PVT1: variants seen among roughly 807,000 people sequenced by gnomAD.
PVT1 encodes the protein CXCR4/PVT1 fusion.
At chr8:127,831,297 T>C (rs1184888127) in intron 2 of PVT1, among the ~76,000 whole-genome samples, 1 of 140,910 alleles carries the variant, frequency 7.1e-6, no homozygotes, top group Admixed American at 7.2e-5. Flanking sequence ...TACAAAAAAT[T>C]AAAAAAAAAA....
At chr8:127,889,035 T>TCCTTCCTTCCTTCCTTCCTTCCTTCCTTC (rs1554594526) in intron 2 of PVT1, among the ~76,000 whole-genome samples, 1 of 100,494 alleles carries the variant, frequency 1.0e-5, no homozygotes, top group Non-Finnish European at 2.1e-5. Context: ...TTTCTCTCTT[T>TCCTTCCTTCCTTCCTTCCTTCCTTCCTTC]CTTTCTTCCT....
At position 127,799,726 on chromosome 8, in the gene PVT1, A is replaced by G. The variant is rs546945643; in HGVS notation, n.372+3655A>G. Among the ~76,000 whole-genome samples, 282 of 152,328 alleles carry G rather than the reference A, an allele frequency of 1.9e-3. 1 individual carries two copies. Among genetic ancestry groups the G allele is most frequent in the African/African-American group, 6.6e-3 (274 of 41,572 alleles). ...ATGAACAGAATGTGTCTGGCAGAGG[A>G]CCTGGGCTCATAAGTGAGCACACAG... On this transcript the variant is annotated intron_variant and non_coding_transcript_variant, in intron 2 of 10. Coordinates refer to ENST00000651587, the Ensembl canonical transcript of PVT1.
intron 5 of PVT1, among the ~76,000 whole-genome samples, chr8:128,089,651 T>C (rs1274425038): frequency 6.6e-6 from 1 of 152,180 alleles, no homozygotes; most frequent in Non-Finnish European, 1.5e-5. Context: ...AACACACAAT[T>C]ACGCATAGCA....
chr8:127,995,300 C>T (rs1051187547), intron 4 of PVT1, among the ~76,000 whole-genome samples: 2 of 152,192 alleles, frequency 1.3e-5, no homozygotes, highest in Non-Finnish European at 2.9e-5. Context: ...GCCCAATTGA[C>T]TGTTGTCATT....
intron 4 of PVT1, among the ~76,000 whole-genome samples, chr8:128,022,862 A>AT (rs57327175): frequency 0.13 from 17,423 of 133,874 alleles, 1,428 homozygotes; most frequent in South Asian, 0.21. Context: ...GCAAGCTGAG[A>AT]TTTTTTTTTT....
At chr8:128,012,897 T>A (rs1330644376) in intron 4 of PVT1, among the ~76,000 whole-genome samples, 2 of 152,198 alleles carry the variant, frequency 1.3e-5, no homozygotes, top group Non-Finnish European at 2.9e-5. Flanking sequence ...TTTGGTGTTT[T>A]AAAAAATCTC....
chr8:127,858,771 T>C (rs2129746942), intron 2 of PVT1, among the ~76,000 whole-genome samples: 1 of 151,142 alleles, frequency 6.6e-6, no homozygotes, highest in Admixed American at 6.6e-5. Flanking sequence ...TTTCTTTTTT[T>C]TTCTTTTTCT....
chr8:127,831,834 C>T (rs535803128), intron 2 of PVT1, among the ~76,000 whole-genome samples: 43 of 152,314 alleles, frequency 2.8e-4, no homozygotes. Flanking sequence ...CTCATGGGAG[C>T]AATCAAGAGG....
intron 4 of PVT1, among the ~76,000 whole-genome samples, chr8:127,996,243 C>A (rs904936497): frequency 1.3e-5 from 2 of 152,122 alleles, no homozygotes; most frequent in African/African-American, 4.8e-5. Context: ...CTGGTTCTCT[C>A]CCTCCTTCCC....
intron 4 of PVT1, among the ~76,000 whole-genome samples, chr8:128,047,225 T>C (rs141518696): frequency 1.3e-5 from 2 of 152,310 alleles, no homozygotes; most frequent in East Asian, 1.9e-4. Flanking sequence ...TTCTGTGTTC[T>C]TGAATCTCTC....
intron 4 of PVT1, among the ~76,000 whole-genome samples, chr8:128,055,511 T>C (rs1183429365): frequency 6.6e-6 from 1 of 152,250 alleles, no homozygotes; most frequent in East Asian, 1.9e-4. Flanking sequence ...TAATGCTGCT[T>C]ATTCTAAAAT....
intron 2 of PVT1, among the ~76,000 whole-genome samples, chr8:127,844,782 C>T (rs1043352003): frequency 1.3e-5 from 2 of 151,930 alleles, no homozygotes; most frequent in Non-Finnish European, 2.9e-5. Flanking sequence ...GGCACGATCT[C>T]GGCTCACTGC....
chr8:127,888,863 G>A (rs911644138), intron 2 of PVT1, among the ~76,000 whole-genome samples: 1 of 152,200 alleles, frequency 6.6e-6, no homozygotes, highest in Admixed American at 6.5e-5. Flanking sequence ...GATCATAAGT[G>A]TGTGCTGTTT....
intron 4 of PVT1, among the ~76,000 whole-genome samples, chr8:128,055,148 C>T (rs1367403768): frequency 6.6e-6 from 1 of 152,134 alleles, no homozygotes; most frequent in Non-Finnish European, 1.5e-5. Context: ...TCTCTATGTC[C>T]CTACAGACAC....
At chr8:127,958,986 A>C (rs147745254) in intron 3 of PVT1, among the ~76,000 whole-genome samples, 1 of 144,586 alleles carries the variant, frequency 6.9e-6, no homozygotes, top group Non-Finnish European at 1.5e-5. Flanking sequence ...ATGGGAACCC[A>C]GCAGGTGGCC....
At chr8:127,957,566 CAAAAAAAAAAA>C (rs56796489) in intron 3 of PVT1, among the ~76,000 whole-genome samples, 1 of 91,816 alleles carries the variant, frequency 1.1e-5, no homozygotes. Context: ...GACTCCGTCT[CAAAAAAAAAAA>C]AAAAAAAAAG....
intron 6 of PVT1, among the ~76,000 whole-genome samples, chr8:128,098,052 T>C (rs1215564678): frequency 6.6e-6 from 1 of 152,160 alleles, no homozygotes; most frequent in Non-Finnish European, 1.5e-5. Context: ...GGCCTGAAGT[T>C]CTTCCCCTCT....
At chr8:127,855,612 CACA>C (rs1378998601) in intron 2 of PVT1, among the ~76,000 whole-genome samples, 1 of 152,208 alleles carries the variant, frequency 6.6e-6, no homozygotes, top group Non-Finnish European at 1.5e-5. Context: ...GCATTCATAA[CACA>C]CTCCCCAGGA....
chr8:127,801,882 A>G (rs1366108695), intron 2 of PVT1, among the ~76,000 whole-genome samples: 1 of 140,544 alleles, frequency 7.1e-6, no homozygotes, highest in Non-Finnish European at 1.5e-5. Flanking sequence ...GAAGAGTAAG[A>G]TATCTCATTA....
Sources: allele counts gnomAD v4.1 joint callset (sites outside exome capture counted in the v4.1 genomes callset), GRCh38; gene constraint gnomAD v4.1.1; transcripts MANE v1.5; gene names NCBI Gene and HGNC (gene_info 2026-07-23, HGNC 2026-07-21).